PLA2G4A: variants seen among roughly 807,000 people sequenced by gnomAD.
The protein encoded by PLA2G4A is cytosolic phospholipase A2.
PLA2G4A carries 40 observed loss-of-function variants against 81.9 expected under a neutral mutation model. That is an observed-to-expected ratio of 0.49 (90% CI 0.38 to 0.64). The LOEUF is 0.64. Ranked by LOEUF, PLA2G4A falls within the 30% of genes least tolerant of loss-of-function variation. The probability of loss-of-function intolerance (pLI) is 0.00; values close to 1 mark genes in which losing one functional copy is unlikely to be tolerated. For synonymous variants in PLA2G4A, 302 were observed against 296.9 expected, an observed-to-expected ratio of 1.02 and a Z score of -0.18; for missense variants, 715 against 905.1, an observed-to-expected ratio of 0.79 and a Z score of 2.69.
intron 1 of PLA2G4A, among the ~76,000 whole-genome samples, chr1:186,829,903 G>C (rs1312255714): frequency 3.9e-5 from 6 of 152,242 alleles, no homozygotes; most frequent in African/African-American, 1.4e-4. Flanking sequence ...CAGATGGAGA[G>C]TATTAGAGGC....
intron 2 of PLA2G4A, among the ~76,000 whole-genome samples, chr1:186,857,021 T>G (rs1652577029): frequency 7.7e-6 from 1 of 130,566 alleles, no homozygotes. Flanking sequence ...GACCAGGCCT[T>G]ATTACTGACT....
At chr1:186,912,811 CAT>C (rs1225695251) in intron 7 of PLA2G4A, among the ~76,000 whole-genome samples, 12 of 128,946 alleles carry the variant, frequency 9.3e-5, no homozygotes, top group African/African-American at 1.3e-4. Context: ...TATATATATA[CAT>C]ATATATGTAT....
chr1:186,914,762 T>C (rs1387415103), intron 7 of PLA2G4A, among the ~76,000 whole-genome samples: 2 of 152,204 alleles, frequency 1.3e-5, no homozygotes, highest in South Asian at 2.1e-4. Flanking sequence ...TTCTGCCTTT[T>C]AGTTTTTACT....
intron 15 of PLA2G4A, among the ~76,000 whole-genome samples, chr1:186,971,816 A>C (rs1401406966): frequency 6.6e-6 from 1 of 152,038 alleles, no homozygotes; most frequent in African/African-American, 2.4e-5. Context: ...GTCTACATAA[A>C]GTTCTTTTGA....
At chr1:186,954,030 T>G (rs976476144) in intron 13 of PLA2G4A, among the ~76,000 whole-genome samples, 1 of 152,230 alleles carries the variant, frequency 6.6e-6, no homozygotes, top group African/African-American at 2.4e-5. Context: ...GACTATATAG[T>G]CATCTGGACT....
chr1:186,915,195 G>GAT (rs1336443291), intron 7 of PLA2G4A, among the ~76,000 whole-genome samples: 1 of 152,086 alleles, frequency 6.6e-6, no homozygotes, highest in African/African-American at 2.4e-5. Flanking sequence ...ACTTGCCCTT[G>GAT]ATCATCTATG....
At chr1:186,893,838 C>G (rs540373916) in intron 4 of PLA2G4A, among the ~76,000 whole-genome samples, 21 of 149,280 alleles carry the variant, frequency 1.4e-4, no homozygotes, top group Non-Finnish European at 2.4e-4. Context: ...GCAGGAGATT[C>G]GCTTGAATCT....
intron 7 of PLA2G4A, among the ~76,000 whole-genome samples, chr1:186,919,131 T>A (rs1277119627): frequency 6.6e-6 from 1 of 152,226 alleles, no homozygotes; most frequent in East Asian, 1.9e-4. Flanking sequence ...AAGTTTTTCC[T>A]TTAACTTACA....
intron 1 of PLA2G4A, among the ~76,000 whole-genome samples, chr1:186,853,789 A>G (rs993126933): frequency 6.6e-6 from 1 of 151,944 alleles, no homozygotes; most frequent in African/African-American, 2.4e-5. Context: ...CAAATGAACA[A>G]ACATTTCTTT....
chr1:186,961,253 G>A (rs1165281791), intron 14 of PLA2G4A, among the ~76,000 whole-genome samples: 1 of 151,990 alleles, frequency 6.6e-6, no homozygotes, highest in Non-Finnish European at 1.5e-5. Context: ...GAGAGAGGAG[G>A]AATAAGTGCT....
At chr1:186,934,440 G>GCACACACACACA (rs148141099) in intron 8 of PLA2G4A, among the ~76,000 whole-genome samples, 17,674 of 70,936 alleles carry the variant, frequency 0.25, 2,646 homozygotes, top group African/African-American at 0.39. Flanking sequence ...TTTTAAATGT[G>GCACACACACACA]CACATATATA....
intron 17 of PLA2G4A, 48 bp downstream of exon 17, chr1:186,979,520 G>A (rs375874119): frequency 2.5e-4 from 292 of 1,165,420 alleles, no homozygotes; most frequent in Non-Finnish European, 3.4e-4. Flanking sequence ...CTTCCATACC[G>A]TATAAATACA....
At chr1:186,909,763 TA>T (rs1654877168) in intron 6 of PLA2G4A, among the ~76,000 whole-genome samples, 1 of 152,152 alleles carries the variant, frequency 6.6e-6, no homozygotes, top group Non-Finnish European at 1.5e-5. Flanking sequence ...AATACTTTTA[TA>T]TACAGTTCAA....
Position 186,956,255 on chromosome 1 carries a change from A to G in PLA2G4A, c.1490A>G (p.Asn497Ser). The G allele has an allele frequency of 6.2e-7, 1 of 1,613,878 alleles. No homozygotes were observed. The highest frequency in any genetic ancestry group is 8.5e-7 in the Non-Finnish European group (1 of 1,179,806). Residue 497 changes from asparagine to serine, a missense_variant, in exon 14 of 18, where the codon AAT becomes AGT. By Grantham distance (46) the Asn-to-Ser change is conservative (BLOSUM62 1). Transcript: ENST00000367466. ...GKVHNFMLGLNLNTSYPLSPL... is the reference protein window; with the variant it reads ...GKVHNFMLGLSLNTSYPLSPL... ...GTACACAACTTCATGCTGGGCTTGAATCTCAATACATCTTATCCACTGTCT... is the reference window on the plus strand; with the variant it reads ...GTACACAACTTCATGCTGGGCTTGAGTCTCAATACATCTTATCCACTGTCT...
chr1:186,946,126 G>A (rs564448514), intron 10 of PLA2G4A, among the ~76,000 whole-genome samples: 1 of 152,230 alleles, frequency 6.6e-6, no homozygotes, highest in East Asian at 1.9e-4. Flanking sequence ...GTTTTTCTAA[G>A]GCATTCAACC....
intron 5 of PLA2G4A, among the ~76,000 whole-genome samples, chr1:186,894,424 A>C (rs1654263688): frequency 1.3e-5 from 2 of 152,216 alleles, no homozygotes; most frequent in Non-Finnish European, 2.9e-5. Context: ...TATACCAAAC[A>C]CTACTAAGGC....
chr1:186,858,437 C>G (rs938280670), intron 2 of PLA2G4A, among the ~76,000 whole-genome samples: 10 of 152,062 alleles, frequency 6.6e-5, no homozygotes, highest in African/African-American at 2.4e-4. Flanking sequence ...ATCCTTTGCC[C>G]ACTTTTTGAT....
At chr1:186,855,399 T>A (rs758468576) in intron 2 of PLA2G4A, among the ~76,000 whole-genome samples, 3 of 152,008 alleles carry the variant, frequency 2.0e-5, no homozygotes, top group Non-Finnish European at 2.9e-5. Context: ...TCTGTCTGAC[T>A]CTCTTTTTTT....
At chr1:186,892,470 T>C (rs1654178907) in intron 3 of PLA2G4A, among the ~76,000 whole-genome samples, 1 of 152,212 alleles carries the variant, frequency 6.6e-6, no homozygotes, top group Non-Finnish European at 1.5e-5. Context: ...TTGATTATTG[T>C]ATATGGCAAG....
Sources: gnomAD v4.1 joint callset for allele counts (sites outside exome capture counted in the v4.1 genomes callset) on GRCh38, gnomAD v4.1.1 for gene constraint, MANE v1.5 for transcripts, NCBI Gene and HGNC (gene_info 2026-07-23, HGNC 2026-07-21) for gene names.